ZMIZ1: variants seen among roughly 807,000 people sequenced by gnomAD.
ZMIZ1 encodes the protein zinc finger MIZ-type containing 1, also known as zinc finger MIZ domain-containing protein 1.
In ZMIZ1, 17 loss-of-function variants were observed where a neutral mutation model predicts 113.9. The ratio of observed to expected loss-of-function variants is 0.15; its 90% CI spans 0.10 to 0.22. The LOEUF (loss-of-function observed/expected upper bound fraction) is 0.22, where lower values mean the gene tolerates loss of function less well. ZMIZ1 is among the 10% of genes least tolerant of loss of function. The probability of loss-of-function intolerance (pLI) is 1.00; values close to 1 mark genes in which losing one functional copy is unlikely to be tolerated. For missense variants in ZMIZ1, 1,059 were observed against 1,477.8 expected (o/e 0.72, Z 4.65); for synonymous variants, 607 against 603.1 (o/e 1.01, Z -0.09).
chr10:79,198,633 A>C (rs116445677), intron 4 of ZMIZ1, among the ~76,000 whole-genome samples: 1 of 152,166 alleles, frequency 6.6e-6, no homozygotes, highest in East Asian at 1.9e-4. Context: ...CAAAAATACA[A>C]ATTCCCAGAT....
At chr10:79,125,080 G>C (rs1226986229) in intron 2 of ZMIZ1, among the ~76,000 whole-genome samples, 1 of 152,216 alleles carries the variant, frequency 6.6e-6, no homozygotes, top group Non-Finnish European at 1.5e-5. Context: ...GGACCTTCAT[G>C]CTCCACCACG....
Position 79,208,399 on chromosome 10 carries a change from C to A in ZMIZ1, c.124C>A (p.Pro42Thr), listed in dbSNP as rs1466187316. 8 of 1,613,992 alleles carry A rather than the reference C, an allele frequency of 5.0e-6. No homozygotes were observed. The Admixed American group carries it at 6.7e-5, about 13-fold the overall frequency. Reference sequence around the variant, plus strand: ...GGAGCTGCTGGACTGGTGCGGAGACCCACGGGCCTTCCAGCGGCCCTTCGA... The same window carrying A: ...GGAGCTGCTGGACTGGTGCGGAGACACACGGGCCTTCCAGCGGCCCTTCGA... ...ATELLDWCGDPRAFQRPFEQS... is the reference protein window; with the variant it reads ...ATELLDWCGDTRAFQRPFEQS... Residue 42 changes from proline to threonine, a missense_variant, in exon 6 of 25, where the codon CCA becomes ACA. By Grantham distance (38) the Pro-to-Thr change is conservative. Around this residue, in one of 6 missense-constraint regions of ZMIZ1, gnomAD observed 272 missense variants for 350.4 expected, o/e 0.78. Transcript: ENST00000334512.
In ZMIZ1 at chr10:79,312,716, C is replaced by T. The variant is rs555268607; in HGVS notation, c.3171C>T (p.Asn1057=). 30 of 1,614,242 alleles carry T rather than the reference C, an allele frequency of 1.9e-5. No homozygotes were observed. The Admixed American group carries it at 2.5e-4, about 13-fold the overall frequency. Residue 1057 remains asparagine, a synonymous_variant, in exon 25 of 25, where the codon AAC becomes AAT. Coordinates refer to ENST00000334512, the MANE Select transcript of ZMIZ1 (RefSeq NM_020338.4). The stretch of plus-strand genomic sequence containing the variant: ...CCCCCGACCTGCCGAGCAATAGTAA[C>T]GATGACCTCCTGTCTCTATTTGAGA... The part of the protein sequence containing the change: ...LDPPDLPSNS[N]DDLLSLFENN
At chr10:79,242,295 C>G (rs1050180128) in intron 7 of ZMIZ1, among the ~76,000 whole-genome samples, 1 of 152,084 alleles carries the variant, frequency 6.6e-6, no homozygotes, top group Non-Finnish European at 1.5e-5. Context: ...GGGGCAGGGC[C>G]GCGCGCAGCC....
chr10:79,291,240 AG>A, intron 10 of ZMIZ1, 64 bp downstream of exon 10: 1 of 1,482,394 alleles, frequency 6.7e-7, no homozygotes, highest in Non-Finnish European at 9.0e-7. Context: ...TCCAGTGGGG[AG>A]GGACCCACTT....
At chr10:79,238,846 G>C (rs1246007642) in intron 7 of ZMIZ1, among the ~76,000 whole-genome samples, 1 of 152,180 alleles carries the variant, frequency 6.6e-6, no homozygotes, top group Non-Finnish European at 1.5e-5. Context: ...TTAATACTTG[G>C]AAAATGCCTG....
At chr10:79,212,545 A>G (rs1194276944) in intron 6 of ZMIZ1, among the ~76,000 whole-genome samples, 1 of 152,140 alleles carries the variant, frequency 6.6e-6, no homozygotes, top group Non-Finnish European at 1.5e-5. Context: ...TGAGGTCAGG[A>G]GTTAAAGACC....
intron 4 of ZMIZ1, among the ~76,000 whole-genome samples, chr10:79,200,103 G>A (rs888136637): frequency 1.3e-5 from 2 of 152,242 alleles, no homozygotes; most frequent in African/African-American, 4.8e-5. Flanking sequence ...TGTCCAGCAC[G>A]TGAAAAGTCC....
chr10:79,229,237 G>T (rs1330146802), intron 7 of ZMIZ1, among the ~76,000 whole-genome samples: 4 of 152,248 alleles, frequency 2.6e-5, no homozygotes, highest in African/African-American at 7.2e-5. Context: ...CTGCAAGGTG[G>T]TAATTCCCCT....
At chr10:79,145,639 G>A (rs1469265440) in intron 3 of ZMIZ1, among the ~76,000 whole-genome samples, 6 of 152,220 alleles carry the variant, frequency 3.9e-5, no homozygotes, top group African/African-American at 7.2e-5. Flanking sequence ...AGAACACAGA[G>A]TCATGGAGTT....
intron 7 of ZMIZ1, among the ~76,000 whole-genome samples, chr10:79,227,911 A>G (rs1405674120): frequency 6.6e-6 from 1 of 152,228 alleles, no homozygotes; most frequent in Admixed American, 6.5e-5. Context: ...GCCACTGTGC[A>G]GGAGGCAGGC....
chr10:79,298,254 A>G, intron 14 of ZMIZ1, 152 bp from the exon 15 acceptor site: 5 of 881,806 alleles, frequency 5.7e-6, no homozygotes, highest in Non-Finnish European at 5.2e-6. Context: ...CAGGACAGAG[A>G]TCTGCGAGAG....
intron 2 of ZMIZ1, among the ~76,000 whole-genome samples, chr10:79,136,828 G>A (rs895950794): frequency 6.6e-6 from 1 of 152,132 alleles, no homozygotes. Context: ...AGGCTTACAG[G>A]GAAGCACATG....
intron 1 of ZMIZ1, among the ~76,000 whole-genome samples, chr10:79,117,647 T>C (rs569529182): frequency 4.6e-5 from 7 of 152,358 alleles, no homozygotes; most frequent in African/African-American, 1.7e-4. Flanking sequence ...ATGGAGTTCC[T>C]GGGTCATGGG....
intron 7 of ZMIZ1, among the ~76,000 whole-genome samples, chr10:79,261,305 C>G (rs1851254100): frequency 6.6e-6 from 1 of 152,236 alleles, no homozygotes; most frequent in Non-Finnish European, 1.5e-5. Context: ...ACCCGGTGTT[C>G]CCTTCCCTCT....
chr10:79,129,182 T>C (rs1844646089), intron 2 of ZMIZ1, among the ~76,000 whole-genome samples: 1 of 151,508 alleles, frequency 6.6e-6, no homozygotes, highest in Non-Finnish European at 1.5e-5. Flanking sequence ...CCAGCAACCA[T>C]ACACAAGGTA....
chr10:79,204,992 G>GATGGATGC (rs1268618177), intron 5 of ZMIZ1, among the ~76,000 whole-genome samples: 1 of 152,112 alleles, frequency 6.6e-6, no homozygotes, highest in African/African-American at 2.4e-5. Context: ...TGGATGGATG[G>GATGGATGC]ATGGATACAC....
chr10:79,263,951 A>G (rs1851421934), intron 7 of ZMIZ1, among the ~76,000 whole-genome samples: 1 of 152,344 alleles, frequency 6.6e-6, no homozygotes, highest in East Asian at 1.9e-4. Flanking sequence ...GGACCTCCTC[A>G]GAAAAGTAAA....
intron 4 of ZMIZ1, among the ~76,000 whole-genome samples, chr10:79,174,920 A>T (rs762907839): frequency 6.6e-6 from 1 of 152,172 alleles, no homozygotes; most frequent in African/African-American, 2.4e-5. Flanking sequence ...CCCAGGTGAC[A>T]CCTGCCCTCC....
Sources: gnomAD v4.1 joint callset for allele counts (sites outside exome capture counted in the v4.1 genomes callset) on GRCh38, gnomAD v4.1.1 for gene constraint, gnomAD v4.1.1 regional missense constraint, MANE v1.5 for transcripts, NCBI Gene and HGNC (gene_info 2026-07-23, HGNC 2026-07-21) for gene names.